CD2AP: variants seen among roughly 807,000 people sequenced by gnomAD.
The protein encoded by CD2AP is CD2 associated protein, also known as CD2-associated protein.
A neutral mutation model predicts 85.1 loss-of-function variants in CD2AP; 46 were observed. The observed-to-expected ratio is 0.54, with a 90% CI of 0.43 to 0.69. The LOEUF (loss-of-function observed/expected upper bound fraction) is 0.69. Ranked by LOEUF, CD2AP falls within the 30% of genes least tolerant of loss-of-function variation. The probability of loss-of-function intolerance (pLI) is 0.00; values close to 1 mark genes in which losing one functional copy is unlikely to be tolerated. For missense variants in CD2AP, 769 were observed against 729.5 expected, an observed-to-expected ratio of 1.05 and a Z score of -0.62; for synonymous variants, 255 against 252.9, an observed-to-expected ratio of 1.01 and a Z score of -0.08.
chr6:47,524,115 A>G (rs181679761), intron 2 of CD2AP, among the ~76,000 whole-genome samples: 2 of 152,342 alleles, frequency 1.3e-5, no homozygotes, highest in East Asian at 3.9e-4. Flanking sequence ...AACCATGTTA[A>G]TGTTTGCCTT....
At chr6:47,617,124 C>G (rs1245182541) in intron 17 of CD2AP, among the ~76,000 whole-genome samples, 1 of 152,102 alleles carries the variant, frequency 6.6e-6, no homozygotes, top group East Asian at 1.9e-4. Flanking sequence ...ACTTTCATGC[C>G]TGGTTAATTT....
intron 2 of CD2AP, among the ~76,000 whole-genome samples, chr6:47,511,738 A>T (rs527805362): frequency 6.6e-6 from 1 of 152,352 alleles, no homozygotes; most frequent in East Asian, 1.9e-4. Context: ...ATCACTTCAG[A>T]TGTGTATGTT....
intron 13 of CD2AP, among the ~76,000 whole-genome samples, chr6:47,600,418 A>G (rs149893360): frequency 1.2e-3 from 178 of 152,068 alleles, no homozygotes; most frequent in African/African-American, 4.2e-3. Context: ...AAAATATGCT[A>G]TTACATTTCA....
chr6:47,479,154 G>C (rs1375738576), intron 1 of CD2AP, among the ~76,000 whole-genome samples: 1 of 152,148 alleles, frequency 6.6e-6, no homozygotes, highest in Non-Finnish European at 1.5e-5. Context: ...AAAACACCCT[G>C]TGTCTCTATA....
intron 14 of CD2AP, 98 bp from the exon 15 acceptor site, chr6:47,607,829 G>A: frequency 1.3e-6 from 1 of 772,648 alleles, no homozygotes; most frequent in Non-Finnish European, 2.2e-6. Context: ...AGTAGCAGCT[G>A]AAAATCCATA....
intron 1 of CD2AP, among the ~76,000 whole-genome samples, chr6:47,481,855 T>C (rs1464888556): frequency 1.3e-5 from 2 of 152,228 alleles, no homozygotes; most frequent in Non-Finnish European, 2.9e-5. Flanking sequence ...CATAGCTCAC[T>C]GCAGCCTCAA....
chr6:47,490,540 TTTTTTG>T (rs1765708130), intron 1 of CD2AP, among the ~76,000 whole-genome samples: 1 of 152,284 alleles, frequency 6.6e-6, no homozygotes, highest in African/African-American at 2.4e-5. Flanking sequence ...TTTTTGTATG[TTTTTTG>T]TTTTTAAGAT....
intron 1 of CD2AP, among the ~76,000 whole-genome samples, chr6:47,478,575 C>T (rs1290761933): frequency 6.6e-6 from 1 of 152,176 alleles, no homozygotes; most frequent in Non-Finnish European, 1.5e-5. Context: ...ACCTGACCTT[C>T]CTTCCCTTCC....
chr6:47,604,520 A>T (rs1304167548), intron 13 of CD2AP, among the ~76,000 whole-genome samples: 1 of 151,990 alleles, frequency 6.6e-6, no homozygotes, highest in Non-Finnish European at 1.5e-5. Flanking sequence ...TTGCTTAAAT[A>T]TGCATTTGAA....
intron 1 of CD2AP, among the ~76,000 whole-genome samples, chr6:47,496,049 C>G (rs1562002983): frequency 1.3e-5 from 2 of 152,022 alleles, no homozygotes; most frequent in South Asian, 4.1e-4. Context: ...TGTATACTTA[C>G]CACTTCTTTT....
chr6:47,512,429 A>T (rs1050232771), intron 2 of CD2AP, among the ~76,000 whole-genome samples: 1 of 152,142 alleles, frequency 6.6e-6, no homozygotes, highest in Non-Finnish European at 1.5e-5. Flanking sequence ...CTTGTAAAAA[A>T]CTCACGTCCC....
intron 5 of CD2AP, among the ~76,000 whole-genome samples, chr6:47,565,902 C>G (rs1171834465): frequency 3.3e-5 from 5 of 152,134 alleles, no homozygotes; most frequent in Non-Finnish European, 7.4e-5. Context: ...AAGCCAAAAT[C>G]TTTTAAAATG....
At chr6:47,557,551 C>A (rs1226586737) in intron 5 of CD2AP, among the ~76,000 whole-genome samples, 1 of 152,150 alleles carries the variant, frequency 6.6e-6, no homozygotes, top group Non-Finnish European at 1.5e-5. Flanking sequence ...TACAGCTAGC[C>A]AGTTTTTCCA....
chr6:47,530,194 T>C (rs548108231), intron 2 of CD2AP, among the ~76,000 whole-genome samples: 1 of 152,354 alleles, frequency 6.6e-6, no homozygotes, highest in East Asian at 1.9e-4. Context: ...TGAACATTTT[T>C]TAAAATGACC....
intron 1 of CD2AP, among the ~76,000 whole-genome samples, chr6:47,490,963 AAAAT>A (rs1161542453): frequency 6.6e-6 from 1 of 152,164 alleles, no homozygotes; most frequent in Non-Finnish European, 1.5e-5. Flanking sequence ...CAAGCTTGAG[AAAAT>A]AAATGACGGA....
At chr6:47,591,923 C>T (rs144228197) in intron 11 of CD2AP, among the ~76,000 whole-genome samples, 4 of 152,188 alleles carry the variant, frequency 2.6e-5, no homozygotes, top group East Asian at 1.9e-4. Flanking sequence ...CTCCTAGGCT[C>T]AGGTGATTCT....
At chr6:47,612,570 G>A (rs1160671637) in intron 17 of CD2AP, 34 bp downstream of exon 17, 1 of 1,446,928 alleles carries the variant, frequency 6.9e-7, no homozygotes, top group East Asian at 2.3e-5. Context: ...AGAGTTTAGT[G>A]AGCATAAACT....
At chr6:47,593,550 A>T (rs766661745) in intron 11 of CD2AP, among the ~76,000 whole-genome samples, 1 of 152,150 alleles carries the variant, frequency 6.6e-6, no homozygotes, top group Non-Finnish European at 1.5e-5. Context: ...ACTTGACAAG[A>T]TGTTTAATAT....
chr6:47,503,555 A>C (rs1474337770), intron 2 of CD2AP, 115 bp downstream of exon 2: 18 of 982,530 alleles, frequency 1.8e-5, no homozygotes, highest in Non-Finnish European at 2.6e-5. Context: ...TTTCTTTGTA[A>C]CATTTAAGAA....
Sources: gnomAD v4.1 joint callset for allele counts (sites outside exome capture counted in the v4.1 genomes callset) on GRCh38, gnomAD v4.1.1 for gene constraint, MANE v1.5 for transcripts, NCBI Gene and HGNC (gene_info 2026-07-23, HGNC 2026-07-21) for gene names.